IGFBP7: variants seen among roughly 807,000 people sequenced by gnomAD.
IGFBP7 encodes the protein insulin like growth factor binding protein 7.
Under a neutral mutation model 29.4 loss-of-function variants are expected in IGFBP7, and 31 were observed. That is an observed-to-expected ratio of 1.05 (90% CI 0.79 to 1.42). IGFBP7 has a LOEUF of 1.42. IGFBP7 is among the 40% of genes most tolerant of loss of function. IGFBP7 has a pLI of 0.00. For synonymous variants in IGFBP7, 172 were observed against 174.9 expected (o/e 0.98, Z 0.13); for missense variants, 393 against 395.5 (o/e 0.99, Z 0.05).
In IGFBP7 at chr4:57,109,662, CAAAAT is replaced by C. The variant is rs1489857284; in HGVS notation, c.475+210_475+214del. ...TTTCTGGACGCACGCAGCAAACTCT[CAAAAT>C]AAAACCACCAAAAAGGAGAAGGGGG... On this transcript the variant is annotated intron_variant, in intron 1 of 4. Transcript: ENST00000295666. The C allele has an allele frequency of 3.9e-4, 240 of 608,832 alleles. 2 individuals carry two copies. The East Asian group carries it at 7.6e-3, about 19-fold the overall frequency. The allele number at this position is 608,832 out of a possible 1,614,324, so 37.7% of individuals were successfully genotyped here. A position where few individuals can be genotyped will look rare whatever the true frequency, so the allele number is the denominator to read the frequency against.
intron 1 of IGFBP7, among the ~76,000 whole-genome samples, chr4:57,060,894 G>C (rs1724781441): frequency 6.6e-6 from 1 of 151,922 alleles, no homozygotes; most frequent in South Asian, 2.1e-4. Context: ...TCTCCAGCCT[G>C]AGTGACGGGG....
intron 1 of IGFBP7, among the ~76,000 whole-genome samples, chr4:57,102,489 A>G (rs1048914144): frequency 6.6e-6 from 1 of 152,132 alleles, no homozygotes; most frequent in Non-Finnish European, 1.5e-5. Context: ...ATCCTATTCA[A>G]TAGTTTTTAC....
At chr4:57,040,472 A>G (rs1358318627) in intron 2 of IGFBP7, among the ~76,000 whole-genome samples, 1 of 152,132 alleles carries the variant, frequency 6.6e-6, no homozygotes, top group East Asian at 1.9e-4. Flanking sequence ...CCCCTATGCT[A>G]TACTGTCTCC....
At chr4:57,089,709 C>T (rs1578645664) in intron 1 of IGFBP7, among the ~76,000 whole-genome samples, 1 of 152,192 alleles carries the variant, frequency 6.6e-6, no homozygotes, top group African/African-American at 2.4e-5. Context: ...GCCCCAGTGT[C>T]CACCACCCCC....
intron 1 of IGFBP7, among the ~76,000 whole-genome samples, chr4:57,045,221 T>C (rs1235486018): frequency 6.6e-6 from 1 of 152,208 alleles, no homozygotes; most frequent in Non-Finnish European, 1.5e-5. Context: ...TCTAGAATTC[T>C]ACAAGACTTC....
chr4:57,075,047 C>A (rs908108272), intron 1 of IGFBP7, among the ~76,000 whole-genome samples: 1 of 152,200 alleles, frequency 6.6e-6, no homozygotes, highest in Admixed American at 6.5e-5. Context: ...ATAAGCAATC[C>A]TATTACTCAG....
chr4:57,074,208 G>A lies in IGFBP7; in HGVS notation c.476-33275C>T, dbSNP rs1290054884. Among the ~76,000 whole-genome samples, 6 of 152,116 alleles carry A rather than the reference G, an allele frequency of 3.9e-5. No individual in the cohort carries two copies. In the East Asian group the frequency reaches 5.8e-4, roughly 15 times the overall value. ...CCCGAGTAGCTGGGATTACAGGTTC[G>A]TGCCACCACGCCTGGCTAATTTTGG... is the stretch of plus-strand genomic sequence containing the variant. On this transcript the variant is annotated intron_variant, in intron 1 of 4. Coordinates refer to ENST00000295666, the MANE Select transcript of IGFBP7 (RefSeq NM_001553.3).
intron 1 of IGFBP7, among the ~76,000 whole-genome samples, chr4:57,041,758 C>T (rs565918033): frequency 7.9e-5 from 12 of 152,088 alleles, no homozygotes; most frequent in African/African-American, 2.2e-4. Flanking sequence ...AGGCTGGTCC[C>T]GAATTCCTGG....
chr4:57,040,569 T>C (rs1724196543), intron 2 of IGFBP7, among the ~76,000 whole-genome samples: 1 of 152,176 alleles, frequency 6.6e-6, no homozygotes, highest in African/African-American at 2.4e-5. Context: ...ACACACACCC[T>C]GAAGGTGGGT....
intron 1 of IGFBP7, among the ~76,000 whole-genome samples, chr4:57,055,843 C>G (rs1724655779): frequency 6.6e-6 from 1 of 152,088 alleles, no homozygotes; most frequent in Non-Finnish European, 1.5e-5. Flanking sequence ...GTCCGATTGC[C>G]TCTCTGTTAA....
intron 1 of IGFBP7, among the ~76,000 whole-genome samples, chr4:57,048,859 T>C (rs1021945646): frequency 2.0e-5 from 3 of 152,214 alleles, no homozygotes; most frequent in African/African-American, 7.2e-5. Flanking sequence ...CTACAATTTA[T>C]AGCCAAAAGA....
chr4:57,108,012 G>T (rs1726078063), intron 1 of IGFBP7, among the ~76,000 whole-genome samples: 1 of 152,150 alleles, frequency 6.6e-6, no homozygotes. Context: ...AAACTATAAA[G>T]TTCCCCATTG....
At chr4:57,074,399 C>T (rs1033978603) in intron 1 of IGFBP7, among the ~76,000 whole-genome samples, 1 of 152,260 alleles carries the variant, frequency 6.6e-6, no homozygotes, top group East Asian at 1.9e-4. Context: ...AACATTCCCC[C>T]CACCCACCAT....
chr4:57,057,209 T>C (rs1724695235), intron 1 of IGFBP7, among the ~76,000 whole-genome samples: 1 of 152,196 alleles, frequency 6.6e-6, no homozygotes, highest in African/African-American at 2.4e-5. Context: ...AGGGTCTCCC[T>C]GTGTTGCCCA....
rs7699276 is a variant in IGFBP7 at position 57,057,391 on chromosome 4, G to T, written c.476-16458C>A. Among the ~76,000 whole-genome samples the T allele has an allele frequency of 6.6e-5, 10 of 152,302 alleles. 1 individual carries two copies. In the South Asian group the frequency reaches 2.1e-3, roughly 32 times the overall value. On this transcript the variant is annotated intron_variant, in intron 1 of 4. Coordinates refer to ENST00000295666, the MANE Select transcript of IGFBP7 (RefSeq NM_001553.3). ...ACATGCAAAGTATCCTAACGGTCAC[G>T]TGAACCTGGGGCTTATTGTAGAACT...
At chr4:57,066,167 A>G (rs1724917471) in intron 1 of IGFBP7, among the ~76,000 whole-genome samples, 1 of 152,006 alleles carries the variant, frequency 6.6e-6, no homozygotes, top group Non-Finnish European at 1.5e-5. Flanking sequence ...TTAGTGACTT[A>G]CTCTGGTGAC....
At position 57,031,112 on chromosome 4, in the gene IGFBP7, T is replaced by G; in HGVS notation, c.*205A>C. 4 of 726,694 alleles carry G rather than the reference T, an allele frequency of 5.5e-6. No individual in the cohort carries two copies. Among genetic ancestry groups the G allele is most frequent in the Non-Finnish European group, 9.5e-6 (4 of 419,262 alleles). 45.0% of individuals were successfully genotyped at this position (726,694 alleles called of 1,614,324 possible). A position where few individuals can be genotyped will look rare whatever the true frequency, so the allele number is the denominator to read the frequency against. ...AAAGTATTTTATTTGTTTAATGATA[T>G]GCATGCTTTTCTTCTGTAAATATAT... On this transcript the variant is annotated 3_prime_UTR_variant, in exon 5 of 5. Coordinates refer to ENST00000295666, the MANE Select transcript of IGFBP7 (RefSeq NM_001553.3).
At chr4:57,076,013 T>A (rs11573070) in intron 1 of IGFBP7, among the ~76,000 whole-genome samples, 416 of 152,358 alleles carry the variant, frequency 2.7e-3, no homozygotes, top group South Asian at 0.01. Flanking sequence ...CCTGGGCTGC[T>A]ATAACAAATA....
chr4:57,038,318 TTGA>T (rs1293144128), intron 2 of IGFBP7, among the ~76,000 whole-genome samples: 3 of 152,154 alleles, frequency 2.0e-5, no homozygotes, highest in Non-Finnish European at 4.4e-5. Context: ...GTGAGTGGAG[TTGA>T]TATCTCCCAC....
Sources: gnomAD v4.1 joint callset for allele counts (sites outside exome capture counted in the v4.1 genomes callset) on GRCh38, gnomAD v4.1.1 for gene constraint, MANE v1.5 for transcripts, NCBI Gene and HGNC (gene_info 2026-07-23, HGNC 2026-07-21) for gene names.